The following CFAP299 variants were observed in gnomAD, a reference collection of about 807,000 sequenced individuals.
CFAP299 encodes cilia- and flagella-associated protein 299.
In CFAP299, 21 loss-of-function variants were observed where a neutral mutation model predicts 27.0. The ratio of observed to expected loss-of-function variants is 0.78; its 90% CI spans 0.55 to 1.12. The LOEUF (loss-of-function observed/expected upper bound fraction) is 1.12. CFAP299 is among the 50% of genes most tolerant of loss of function. CFAP299 has a pLI of 0.00. For synonymous variants in CFAP299, 104 were observed against 98.1 expected (o/e 1.06, Z -0.36); for missense variants, 310 against 276.6 (o/e 1.12, Z -0.86).
intron 3 of CFAP299, among the ~76,000 whole-genome samples, chr4:80,633,801 T>C (rs776748001): frequency 4.6e-5 from 7 of 152,152 alleles, no homozygotes; most frequent in Non-Finnish European, 1.0e-4. Flanking sequence ...ACCAAATTTG[T>C]ATAATACTAA....
At chr4:80,863,377 G>T (rs1330312251) in intron 3 of CFAP299, among the ~76,000 whole-genome samples, 9 of 152,066 alleles carry the variant, frequency 5.9e-5, no homozygotes, top group Non-Finnish European at 8.8e-5. Context: ...AAGACAAGCA[G>T]CCAAAGATCC....
intron 3 of CFAP299, among the ~76,000 whole-genome samples, chr4:80,653,749 G>C (rs1008667717): frequency 6.6e-6 from 1 of 152,066 alleles, no homozygotes; most frequent in East Asian, 1.9e-4. Context: ...ACATTTTTAA[G>C]TATTTTCACC....
At chr4:80,424,713 C>A (rs989602284) in intron 2 of CFAP299, among the ~76,000 whole-genome samples, 3 of 152,138 alleles carry the variant, frequency 2.0e-5, no homozygotes, top group Non-Finnish European at 4.4e-5. Flanking sequence ...TCTGGACCTA[C>A]TGAGGAAGAG....
At chr4:80,634,477 T>TCA (rs1739390587) in intron 3 of CFAP299, among the ~76,000 whole-genome samples, 1 of 151,784 alleles carries the variant, frequency 6.6e-6, no homozygotes, top group Non-Finnish European at 1.5e-5. Flanking sequence ...TGTCATTTCA[T>TCA]TATATATATA....
intron 4 of CFAP299, among the ~76,000 whole-genome samples, chr4:80,912,353 G>T (rs187911998): frequency 9.2e-5 from 14 of 152,240 alleles, no homozygotes; most frequent in Admixed American, 7.2e-4. Flanking sequence ...AATAGACAAG[G>T]AGTCCAGGGG....
chr4:80,610,400 C>T (rs1031731827), intron 3 of CFAP299, among the ~76,000 whole-genome samples: 7 of 151,978 alleles, frequency 4.6e-5, no homozygotes, highest in Non-Finnish European at 8.8e-5. Flanking sequence ...TCTAACAAAA[C>T]GGTATGCAAA....
At chr4:80,695,961 T>A (rs1252913139) in intron 3 of CFAP299, among the ~76,000 whole-genome samples, 1 of 152,132 alleles carries the variant, frequency 6.6e-6, no homozygotes, top group Admixed American at 6.6e-5. Context: ...TTTTCTTAAA[T>A]ACTATACTAT....
intron 3 of CFAP299, among the ~76,000 whole-genome samples, chr4:80,758,187 C>G (rs146375568): frequency 1.3e-5 from 2 of 152,084 alleles, no homozygotes; most frequent in South Asian, 2.1e-4. Context: ...ACAAATGAAT[C>G]GAAGATGGTA....
At chr4:80,567,439 A>T (rs1037637770) in intron 2 of CFAP299, among the ~76,000 whole-genome samples, 12 of 152,058 alleles carry the variant, frequency 7.9e-5, no homozygotes, top group African/African-American at 2.7e-4. Flanking sequence ...AAAATTCTTA[A>T]ACCACAAATC....
At chr4:80,763,738 G>T (rs1176043887) in intron 3 of CFAP299, among the ~76,000 whole-genome samples, 1 of 152,122 alleles carries the variant, frequency 6.6e-6, no homozygotes, top group Non-Finnish European at 1.5e-5. Context: ...AAACAGCATG[G>T]TACTGGTACC....
At chr4:80,799,819 ATT>A (rs1491466556) in intron 3 of CFAP299, among the ~76,000 whole-genome samples, 5 of 35,578 alleles carry the variant, frequency 1.4e-4, no homozygotes, top group Non-Finnish European at 1.8e-4. Flanking sequence ...AAATATATAT[ATT>A]ATATATATTT....
intron 3 of CFAP299, among the ~76,000 whole-genome samples, chr4:80,756,433 C>A (rs929490498): frequency 6.6e-6 from 1 of 151,864 alleles, no homozygotes; most frequent in Non-Finnish European, 1.5e-5. Context: ...TCTTCAATAC[C>A]CATATCAGGG....
At chr4:80,821,396 A>G (rs1000969997) in intron 3 of CFAP299, among the ~76,000 whole-genome samples, 1 of 152,198 alleles carries the variant, frequency 6.6e-6, no homozygotes, top group African/African-American at 2.4e-5. Context: ...TAACTCCTTT[A>G]ATAGTAACCC....
At chr4:80,373,440 GTCAC>G (rs1253415970) in intron 2 of CFAP299, among the ~76,000 whole-genome samples, 1 of 152,138 alleles carries the variant, frequency 6.6e-6, no homozygotes, top group Non-Finnish European at 1.5e-5. Flanking sequence ...ACTGCATGTG[GTCAC>G]ATATTTAGTC....
At chr4:80,386,976 C>A in intron 2 of CFAP299, 2 of 988,950 alleles carry the variant, frequency 2.0e-6, no homozygotes, top group Admixed American at 1.7e-5. Context: ...GCACACCTGG[C>A]CCTTGAACCT....
At chr4:80,374,671 C>T in intron 2 of CFAP299, among the ~76,000 whole-genome samples, 1 of 152,098 alleles carries the variant, frequency 6.6e-6, no homozygotes, top group East Asian at 1.9e-4. Flanking sequence ...ATTTGACTGC[C>T]TTTGGAACTC....
intron 3 of CFAP299, among the ~76,000 whole-genome samples, chr4:80,852,489 T>C (rs1731583712): frequency 6.6e-6 from 1 of 151,892 alleles, no homozygotes; most frequent in African/African-American, 2.4e-5. Flanking sequence ...ATAAGATAAA[T>C]CAAAAAGAGA....
chr4:80,689,166 C>T (rs865894335), intron 3 of CFAP299, among the ~76,000 whole-genome samples: 2 of 152,102 alleles, frequency 1.3e-5, no homozygotes, highest in Non-Finnish European at 2.9e-5. Context: ...GGCAGGCCAA[C>T]ATTCAGATTC....
intron 2 of CFAP299, among the ~76,000 whole-genome samples, chr4:80,414,014 G>A (rs908073041): frequency 2.0e-5 from 3 of 150,322 alleles, no homozygotes; most frequent in Admixed American, 6.6e-5. Flanking sequence ...AGACTCAGTT[G>A]TCTTCTTGGA....
Sources: allele counts gnomAD v4.1 joint callset (sites outside exome capture counted in the v4.1 genomes callset), GRCh38; gene constraint gnomAD v4.1.1; transcripts MANE v1.5; gene names NCBI Gene and HGNC (gene_info 2026-07-23, HGNC 2026-07-21).